The following MAGI2 variants were observed in gnomAD, a reference collection of about 807,000 sequenced individuals.
MAGI2 encodes membrane-associated guanylate kinase, WW and PDZ domain-containing protein 2.
Under a neutral mutation model 133.3 loss-of-function variants are expected in MAGI2, and 35 were observed. The ratio of observed to expected loss-of-function variants is 0.26; its 90% CI spans 0.20 to 0.35. The LOEUF (loss-of-function observed/expected upper bound fraction) is 0.35. Ranked by LOEUF, MAGI2 falls within the 10% of genes least tolerant of loss-of-function variation. The probability of loss-of-function intolerance (pLI) is 1.00; values close to 1 mark genes in which losing one functional copy is unlikely to be tolerated. For synonymous variants in MAGI2, 729 were observed against 710.6 expected (o/e 1.03, Z -0.41); for missense variants, 1,636 against 1,863.4 (o/e 0.88, Z 2.25).
chr7:78,628,353 C>G (rs1338155325), intron 2 of MAGI2, among the ~76,000 whole-genome samples: 1 of 152,016 alleles, frequency 6.6e-6, no homozygotes, highest in East Asian at 1.9e-4. Flanking sequence ...TATAGACTCC[C>G]CCATATTGTC....
chr7:78,808,873 G>C (rs1393748529), intron 2 of MAGI2, among the ~76,000 whole-genome samples: 1 of 152,134 alleles, frequency 6.6e-6, no homozygotes, highest in African/African-American at 2.4e-5. Context: ...ATGTGATAAA[G>C]CTACATGACC....
intron 1 of MAGI2, among the ~76,000 whole-genome samples, chr7:79,227,936 A>G (rs988991718): frequency 6.6e-6 from 1 of 152,158 alleles, no homozygotes; most frequent in Non-Finnish European, 1.5e-5. Flanking sequence ...AAATGATATC[A>G]TATTTAAAAG....
At chr7:79,217,619 T>C (rs1161497415) in intron 1 of MAGI2, among the ~76,000 whole-genome samples, 1 of 151,982 alleles carries the variant, frequency 6.6e-6, no homozygotes, top group Non-Finnish European at 1.5e-5. Flanking sequence ...GGCAAAGTAG[T>C]TCTGGACTCT....
At chr7:78,726,056 T>C (rs1393931692) in intron 2 of MAGI2, among the ~76,000 whole-genome samples, 1 of 152,130 alleles carries the variant, frequency 6.6e-6, no homozygotes, top group Non-Finnish European at 1.5e-5. Context: ...TTGAAGTTAA[T>C]ATTATATTAA....
chr7:79,222,702 C>T (rs191988549), intron 1 of MAGI2, among the ~76,000 whole-genome samples: 8 of 152,030 alleles, frequency 5.3e-5, no homozygotes, highest in African/African-American at 1.9e-4. Context: ...GATGGCAGCC[C>T]TTTAAATATT....
intron 2 of MAGI2, among the ~76,000 whole-genome samples, chr7:78,955,713 T>TCTTTCTTTC (rs1802257349): frequency 1.4e-5 from 1 of 73,388 alleles, no homozygotes; most frequent in African/African-American, 5.9e-5. Flanking sequence ...TTCTTTCTTT[T>TCTTTCTTTC]TCTTTCTTTC....
At chr7:78,641,346 T>C (rs956533145) in intron 2 of MAGI2, among the ~76,000 whole-genome samples, 2 of 152,178 alleles carry the variant, frequency 1.3e-5, no homozygotes, top group Non-Finnish European at 2.9e-5. Context: ...CTAAAAGAAC[T>C]AGATAGTAAA....
intron 4 of MAGI2, 27 bp downstream of exon 4, chr7:78,521,402 GA>G (rs1796490845): frequency 6.4e-7 from 1 of 1,557,878 alleles, no homozygotes; most frequent in Non-Finnish European, 8.8e-7. Flanking sequence ...GTAAATTTAT[GA>G]AGCCATAAAA....
intron 21 of MAGI2, among the ~76,000 whole-genome samples, chr7:78,021,428 G>A (rs1486198681): frequency 6.6e-6 from 1 of 152,180 alleles, no homozygotes; most frequent in African/African-American, 2.4e-5. Flanking sequence ...TCAAGCTCTT[G>A]CCTCTGTAAC....
chr7:78,115,823 C>T (rs4296978), intron 20 of MAGI2, among the ~76,000 whole-genome samples: 126,436 of 152,158 alleles, frequency 0.83, 52,913 homozygotes, highest in Non-Finnish European at 0.88. Flanking sequence ...CCATTTCCAT[C>T]AAAAAAAGTC....
intron 10 of MAGI2, among the ~76,000 whole-genome samples, chr7:78,203,120 G>T (rs934285728): frequency 2.6e-5 from 4 of 152,146 alleles, no homozygotes; most frequent in African/African-American, 9.7e-5. Context: ...TTTGCGAAAA[G>T]ATGTCATTTA....
At chr7:79,177,842 C>G (rs531159439) in intron 1 of MAGI2, among the ~76,000 whole-genome samples, 1 of 152,166 alleles carries the variant, frequency 6.6e-6, no homozygotes, top group Non-Finnish European at 1.5e-5. Context: ...AAATTGCTAT[C>G]TTAAGGCATA....
intron 2 of MAGI2, among the ~76,000 whole-genome samples, chr7:78,678,520 AC>A (rs1304076210): frequency 7.3e-5 from 11 of 151,674 alleles, no homozygotes; most frequent in Non-Finnish European, 7.4e-5. Context: ...TTATTAGTCA[AC>A]CCCCTTCCTT....
At chr7:78,415,992 C>T (rs1173679333) in intron 6 of MAGI2, among the ~76,000 whole-genome samples, 5 of 152,066 alleles carry the variant, frequency 3.3e-5, no homozygotes, top group African/African-American at 1.2e-4. Flanking sequence ...GGTGGGGTGA[C>T]TCCCAGTTCC....
At chr7:78,126,629 A>C (rs2158525) in intron 19 of MAGI2, among the ~76,000 whole-genome samples, 2 of 152,170 alleles carry the variant, frequency 1.3e-5, no homozygotes, top group Non-Finnish European at 2.9e-5. Context: ...GACATGAAGC[A>C]CATCAACAAA....
intron 2 of MAGI2, among the ~76,000 whole-genome samples, chr7:78,995,448 T>C (rs1806198500): frequency 1.3e-5 from 2 of 152,168 alleles, no homozygotes; most frequent in Non-Finnish European, 2.9e-5. Flanking sequence ...AAAGAAAAGA[T>C]AATTTGGAAC....
chr7:78,501,493 T>C (rs1245226531), intron 5 of MAGI2, 84 bp downstream of exon 5: 11 of 1,212,742 alleles, frequency 9.1e-6, no homozygotes, highest in South Asian at 1.4e-5. Flanking sequence ...TCTTTTTTTT[T>C]TTTTTTCCAC....
intron 1 of MAGI2, among the ~76,000 whole-genome samples, chr7:79,377,032 G>C (rs1226508945): frequency 6.6e-6 from 1 of 151,776 alleles, no homozygotes; most frequent in East Asian, 1.9e-4. Context: ...CAACACTATA[G>C]AGGTTTAGGG....
intron 6 of MAGI2, among the ~76,000 whole-genome samples, chr7:78,435,513 C>T (rs1387321349): frequency 6.6e-6 from 1 of 152,124 alleles, no homozygotes; most frequent in Admixed American, 6.5e-5. Context: ...CTGGTACATT[C>T]TGTGCTACTT....
Sources: gnomAD v4.1 joint callset for allele counts (sites outside exome capture counted in the v4.1 genomes callset) on GRCh38, gnomAD v4.1.1 for gene constraint, MANE v1.5 for transcripts, NCBI Gene and HGNC (gene_info 2026-07-23, HGNC 2026-07-21) for gene names.